ZBTB16: variants seen among roughly 807,000 people sequenced by gnomAD.
The protein encoded by ZBTB16 is zinc finger and BTB domain-containing protein 16.
Under a neutral mutation model 56.8 loss-of-function variants are expected in ZBTB16, and 8 were observed. The observed-to-expected ratio is 0.14, with a 90% confidence interval of 0.08 to 0.25. The LOEUF is 0.25. ZBTB16 is among the 10% of genes least tolerant of loss of function. The pLI, the probability that ZBTB16 is intolerant of heterozygous loss-of-function variation, is 1.00. For missense variants in ZBTB16, 625 were observed against 903.0 expected (o/e 0.69, Z 3.95); for synonymous variants, 363 against 368.5 (o/e 0.98, Z 0.17).
chr11:114,233,203 G>T (rs1248959572), intron 4 of ZBTB16, among the ~76,000 whole-genome samples: 3 of 151,488 alleles, frequency 2.0e-5, no homozygotes, highest in Non-Finnish European at 4.4e-5. Flanking sequence ...GGAATGTCTG[G>T]AAGGGTCCAG....
chr11:114,062,079 G>C (rs1011441012), intron 1 of ZBTB16, among the ~76,000 whole-genome samples: 1 of 151,312 alleles, frequency 6.6e-6, no homozygotes, highest in Non-Finnish European at 1.5e-5. Flanking sequence ...CCTTACGTAA[G>C]TGTGTGTGTG....
Position 114,075,629 on chromosome 11 carries a change from G to GTATATATATATATATATATA in ZBTB16, c.1268+11080_1268+11081insATATATATATATATATATAT, listed in dbSNP as rs10526570. On this transcript the variant is annotated intron_variant, in intron 2 of 6. Coordinates refer to ENST00000335953, the MANE Select transcript of ZBTB16 (RefSeq NM_006006.6). ...GCACCACCACACCTGGCTAATTTTT[G>GTATATATATATATATATATA]TATATATATATATATATATTTAGTA... is the stretch of plus-strand genomic sequence containing the variant. Among the ~76,000 whole-genome samples the GTATATATATATATATATATA allele has an allele frequency of 4.6e-3, 643 of 140,960 alleles. 18 individuals carry two copies. The highest frequency in any genetic ancestry group is 0.017 in the African/African-American group (591 of 34,602). The allele number at this position is 140,960 out of a possible 152,430, so 92.5% of individuals were successfully genotyped here.
intron 2 of ZBTB16, among the ~76,000 whole-genome samples, chr11:114,153,753 C>G (rs1424211393): frequency 1.3e-5 from 2 of 152,164 alleles, no homozygotes; most frequent in Admixed American, 1.3e-4. Flanking sequence ...TAGAGGACCA[C>G]CTGGTAGGCT....
chr11:114,144,394 C>T (rs1201793888), intron 2 of ZBTB16, among the ~76,000 whole-genome samples: 1 of 152,242 alleles, frequency 6.6e-6, no homozygotes, highest in Non-Finnish European at 1.5e-5. Flanking sequence ...GTGCTTTCTA[C>T]TGGGGCATTT....
At chr11:114,102,902 T>C (rs143993236) in intron 2 of ZBTB16, among the ~76,000 whole-genome samples, 1 of 152,268 alleles carries the variant, frequency 6.6e-6, no homozygotes, top group African/African-American at 2.4e-5. Flanking sequence ...GAAGGGACAA[T>C]AGAGCCAGCT....
intron 4 of ZBTB16, among the ~76,000 whole-genome samples, chr11:114,195,459 G>A (rs920863187): frequency 1.3e-5 from 2 of 152,188 alleles, no homozygotes; most frequent in Non-Finnish European, 2.9e-5. Context: ...ACTGCCTGGG[G>A]ACAAGAGACC....
At position 114,143,174 on chromosome 11, in the gene ZBTB16, A is replaced by T. The variant is rs1174537754; in HGVS notation, c.1269-13163A>T. Among the ~76,000 whole-genome samples the T allele has an allele frequency of 6.6e-6, 1 of 152,132 alleles. No individual in the cohort carries two copies. Among genetic ancestry groups the T allele is most frequent in the East Asian group, 1.9e-4 (1 of 5,182 alleles). On this transcript the variant is annotated intron_variant, in intron 2 of 6. Coordinates refer to ENST00000335953, the MANE Select transcript of ZBTB16 (RefSeq NM_006006.6). This position sits in a 1 kb window ranked among gnomAD's most constrained non-coding sequence, Gnocchi z 6.4. Reference sequence around the variant, plus strand: ...TGAGGAGCGGTGGGTACCCGGCTCTAAGCAATATGTTCTACTCCATCCAAA... The same window carrying T: ...TGAGGAGCGGTGGGTACCCGGCTCTTAGCAATATGTTCTACTCCATCCAAA...
In ZBTB16 at chr11:114,176,962, A is replaced by G. The variant is rs141055599; in HGVS notation, c.1367-9990A>G. Among the ~76,000 whole-genome samples, 725 of 152,286 alleles carry G rather than the reference A, an allele frequency of 4.8e-3. 8 individuals are homozygous for G. The highest frequency in any genetic ancestry group is 0.015 in the African/African-American group (640 of 41,556). ...AGAGCCTTAGAGAACATAGTGTCTCATTTATGCAGGCCATTTACTTATTGC... is the reference window on the plus strand; with the variant it reads ...AGAGCCTTAGAGAACATAGTGTCTCGTTTATGCAGGCCATTTACTTATTGC... On this transcript the variant is annotated intron_variant, in intron 3 of 6. Coordinates refer to ENST00000335953, the MANE Select transcript of ZBTB16 (RefSeq NM_006006.6).
chr11:114,109,665 G>A (rs897379459), intron 2 of ZBTB16, among the ~76,000 whole-genome samples: 1 of 152,016 alleles, frequency 6.6e-6, no homozygotes, highest in Non-Finnish European at 1.5e-5. Context: ...GCAACTTGGG[G>A]GTGGGGGAGA....
At chr11:114,223,636 G>A (rs1456465590) in intron 4 of ZBTB16, among the ~76,000 whole-genome samples, 1 of 152,216 alleles carries the variant, frequency 6.6e-6, no homozygotes, top group African/African-American at 2.4e-5. Flanking sequence ...ACAGTGGTGA[G>A]CAAATCAGAA....
chr11:114,174,887 G>A (rs1385023054), intron 3 of ZBTB16, among the ~76,000 whole-genome samples: 4 of 152,198 alleles, frequency 2.6e-5, no homozygotes, highest in Non-Finnish European at 4.4e-5. Flanking sequence ...GGAAGAGGCA[G>A]GGTTCAGTAG....
At position 114,092,180 on chromosome 11, in the gene ZBTB16, G is replaced by A. The variant is rs925930892; in HGVS notation, c.1268+27612G>A. Among the ~76,000 whole-genome samples, 11 of 152,332 alleles carry A rather than the reference G, an allele frequency of 7.2e-5. No individual in the cohort carries two copies. In the South Asian group the frequency reaches 1.2e-3, roughly 17 times the overall value. ...TGAAACAGGAGACCCGAGAGGCTCCGGTGAAAGGGCACTGTGTTTGTGCAT... is the reference window on the plus strand; with the variant it reads ...TGAAACAGGAGACCCGAGAGGCTCCAGTGAAAGGGCACTGTGTTTGTGCAT... On this transcript the variant is annotated intron_variant, in intron 2 of 6. Coordinates refer to ENST00000335953, the MANE Select transcript of ZBTB16 (RefSeq NM_006006.6).
intron 2 of ZBTB16, among the ~76,000 whole-genome samples, chr11:114,155,184 C>T (rs1414641868): frequency 1.3e-5 from 2 of 152,390 alleles, no homozygotes; most frequent in Middle Eastern, 3.4e-3. Flanking sequence ...CCCCACCGCC[C>T]ACAGATCCGG....
intron 2 of ZBTB16, among the ~76,000 whole-genome samples, chr11:114,067,065 C>A (rs185181199): frequency 1.3e-5 from 2 of 152,222 alleles, no homozygotes; most frequent in South Asian, 4.2e-4. Flanking sequence ...CCACCCCGCC[C>A]GGCCTTCACT....
At chr11:114,127,821 C>T (rs1463176189) in intron 2 of ZBTB16, among the ~76,000 whole-genome samples, 2 of 152,198 alleles carry the variant, frequency 1.3e-5, no homozygotes, top group African/African-American at 2.4e-5. Context: ...TGTGCTTCCT[C>T]CACAGTCCGG....
Position 114,252,883 on chromosome 11 carries a change from C to T in ZBTB16, c.*2328C>T, listed in dbSNP as rs566575843. Reference sequence around the variant, plus strand: ...GTTGGGAGGATGTGAATTGGGAGGACGGTGTCACTAGACTGTGGATTAGGG... The same window carrying T: ...GTTGGGAGGATGTGAATTGGGAGGATGGTGTCACTAGACTGTGGATTAGGG... On this transcript the variant is annotated 3_prime_UTR_variant, in exon 7 of 7. Coordinates refer to ENST00000335953, the MANE Select transcript of ZBTB16 (RefSeq NM_006006.6). Among the ~76,000 whole-genome samples, 57 of 152,034 alleles carry T rather than the reference C, an allele frequency of 3.7e-4. No individual in the cohort carries two copies. Among genetic ancestry groups the T allele is most frequent in the Middle Eastern group, 3.4e-3 (1 of 294 alleles).
intron 2 of ZBTB16, among the ~76,000 whole-genome samples, chr11:114,082,030 C>T (rs1382758374): frequency 1.3e-5 from 2 of 150,344 alleles, no homozygotes; most frequent in Non-Finnish European, 2.9e-5. Context: ...ACCTGTCATC[C>T]CAGTGCTTTG....
At chr11:114,184,919 C>T (rs114550830) in intron 3 of ZBTB16, among the ~76,000 whole-genome samples, 1 of 152,206 alleles carries the variant, frequency 6.6e-6, no homozygotes, top group African/African-American at 2.4e-5. Flanking sequence ...CACCTGGAAT[C>T]CCCCAGCACT....
intron 3 of ZBTB16, among the ~76,000 whole-genome samples, chr11:114,173,421 G>A (rs750681543): frequency 9.2e-5 from 14 of 152,142 alleles, no homozygotes; most frequent in Non-Finnish European, 1.8e-4. Context: ...TGACGGGTGG[G>A]TCAGGTGGTG....
Sources: allele counts gnomAD v4.1 joint callset (sites outside exome capture counted in the v4.1 genomes callset), GRCh38; gene constraint gnomAD v4.1.1; non-coding constraint Gnocchi (gnomAD v3.1); transcripts MANE v1.5; gene names NCBI Gene and HGNC (gene_info 2026-07-23, HGNC 2026-07-21).